The following WASHC2C variants were observed in gnomAD, a reference collection of about 807,000 sequenced individuals.
WASHC2C encodes the protein WASH complex subunit 2C, also known as Vaccinia Penetration Factor.
A neutral mutation model predicts 142.2 loss-of-function variants in WASHC2C; 73 were observed. That is an observed-to-expected ratio of 0.51 (90% CI 0.43 to 0.62). The LOEUF is 0.62. Among genes scored for constraint, WASHC2C ranks in the 20% least tolerant of loss-of-function variants. WASHC2C has a pLI of 0.00. For synonymous variants in WASHC2C, 337 were observed against 565.5 expected, an observed-to-expected ratio of 0.60 and a Z score of 5.73; for missense variants, 969 against 1,531.7, an observed-to-expected ratio of 0.63 and a Z score of 6.13.
chr10:45,732,310 C>T (rs574539041), intron 3 of WASHC2C, among the ~76,000 whole-genome samples: 172 of 152,222 alleles, frequency 1.1e-3, no homozygotes, highest in African/African-American at 3.8e-3. Context: ...CTTTCTAGGG[C>T]GAGAACAGTC....
At chr10:45,759,286 TCCCCAC>T in intron 16 of WASHC2C, 23 bp from the exon 17 acceptor site, 1 of 555,590 alleles carries the variant, frequency 1.8e-6, no homozygotes, top group South Asian at 2.0e-5. Context: ...CTTTTTTTCT[TCCCCAC>T]CCCCCCCCCA....
chr10:45,742,089 A>G (rs1246601601), intron 5 of WASHC2C, among the ~76,000 whole-genome samples: 9 of 151,478 alleles, frequency 5.9e-5, no homozygotes, highest in Non-Finnish European at 7.4e-5. Context: ...AGCTACTGCA[A>G]CCGACCAACC....
intron 11 of WASHC2C, among the ~76,000 whole-genome samples, chr10:45,751,976 CA>C (rs2053649408): frequency 6.6e-6 from 1 of 152,116 alleles, no homozygotes; most frequent in South Asian, 2.1e-4. Context: ...GACTCCATCC[CA>C]AAAACAAACA....
Position 45,727,274 on chromosome 10 carries a change from G to C in WASHC2C, c.-44G>C. Reference sequence around the variant, plus strand: ...GGCTTCCGGGGCTCTGCGGTCCTCGGCCTGTGCTGGCAGCCTCGGAGCCCA... The same window carrying C: ...GGCTTCCGGGGCTCTGCGGTCCTCGCCCTGTGCTGGCAGCCTCGGAGCCCA... On this transcript the variant is annotated 5_prime_UTR_variant, in exon 1 of 31. Coordinates refer to ENST00000623400, the MANE Select transcript of WASHC2C (RefSeq NM_001330074.2). 6.5e-7 allele frequency: 1 copy of C among 1,547,486 alleles called. No homozygotes were observed. Among genetic ancestry groups the C allele is most frequent in the Non-Finnish European group, 8.7e-7 (1 of 1,147,534 alleles).
At chr10:45,727,213 A>G, upstream of WASHC2C, 2 of 1,497,806 alleles carry the variant, frequency 1.3e-6, no homozygotes, top group Non-Finnish European at 1.8e-6. Context: ...AGGTCACGTG[A>G]GGCCGGTCAC....
rs1554886787 is a variant in WASHC2C, at chr10:45,777,432, T to A, written c.2295+7T>A. 1.9e-6 allele frequency: 3 copies of A among 1,610,272 alleles called. No homozygotes were observed. In the Admixed American group the frequency reaches 5.0e-5, roughly 27 times the overall value. Reference sequence around the variant, plus strand: ...TGTGGCTGAGTCAGAAAAGGTGGACTTTTTTTCTTGTATACTTGAATGCAT... The same window carrying A: ...TGTGGCTGAGTCAGAAAAGGTGGACATTTTTTCTTGTATACTTGAATGCAT... On this transcript the variant is annotated splice_region_variant and intron_variant, in intron 22 of 30. Coordinates refer to ENST00000623400, the MANE Select transcript of WASHC2C (RefSeq NM_001330074.2).
intron 25 of WASHC2C, 79 bp downstream of exon 25, chr10:45,784,980 A>G: frequency 1.2e-6 from 2 of 1,611,200 alleles, no homozygotes; most frequent in South Asian, 1.1e-5. Flanking sequence ...TTAGATGATT[A>G]AGGAAAATCC....
At chr10:45,739,420 G>A (rs1217899625) in intron 4 of WASHC2C, among the ~76,000 whole-genome samples, 1 of 149,614 alleles carries the variant, frequency 6.7e-6, no homozygotes, top group Non-Finnish European at 1.5e-5. Flanking sequence ...GTGTCTGTGG[G>A]GACTGCCATT....
Position 45,757,022 on chromosome 10 carries a change from A to G in WASHC2C, c.1431A>G (p.Gln477=), listed in dbSNP as rs2054389916. Residue 477 remains glutamine, a synonymous_variant, in exon 16 of 31, where the codon CAA becomes CAG. Transcript: ENST00000623400. ...TGGTATTTTTTACAGGCAAAGTCCA[A>G]TCCACTGCCGATATCTTTGGTGACG... ...HSKPSKTRKV[Q]STADIFGDEE... The G allele has an allele frequency of 1.9e-6, 3 of 1,600,528 alleles. No individual in the cohort carries two copies. Among genetic ancestry groups the G allele is most frequent in the African/African-American group, 2.7e-5 (2 of 73,662 alleles).
At chr10:45,750,945 T>G (rs1554874185) in intron 10 of WASHC2C, 107 bp downstream of exon 10, 3 of 838,998 alleles carry the variant, frequency 3.6e-6, no homozygotes, top group Non-Finnish European at 5.6e-6. Context: ...ACTACATATA[T>G]TTATTAGTAA....
rs2610450 is a variant in WASHC2C, at chr10:45,755,115, C to T, written c.1420C>T (p.Arg474Cys). Residue 474 changes from arginine to cysteine, a missense_variant and splice_region_variant, in exon 15 of 31, where the codon CGC (arginine) becomes TGC (cysteine). By Grantham distance (180) the Arg-to-Cys change is radical. Transcript: ENST00000623400. ...SAPHSKPSKT[R>C]KVQSTADIFG... is the part of the protein sequence containing the mutation. ...ACCCCACAGCAAACCTTCTAAAACA[C>T]GTATGTGTTCCTGCCTCCGTTTCTA... is the stretch of plus-strand genomic sequence containing the variant. 6 of 1,591,960 alleles carry T rather than the reference C, an allele frequency of 3.8e-6. No individual in the cohort carries two copies. The highest frequency in any genetic ancestry group is 1.1e-5 in the South Asian group (1 of 90,210).
At chr10:45,748,349 G>GCA (rs2053114832) in intron 8 of WASHC2C, among the ~76,000 whole-genome samples, 1 of 143,352 alleles carries the variant, frequency 7.0e-6, no homozygotes, top group Non-Finnish European at 1.5e-5. Context: ...GAGTGCAGTG[G>GCA]CACGATATTG....
intron 23 of WASHC2C, among the ~76,000 whole-genome samples, chr10:45,780,481 A>G (rs1441284645): frequency 6.6e-6 from 1 of 152,172 alleles, no homozygotes; most frequent in South Asian, 2.1e-4. Context: ...ATTCTAATCA[A>G]CCTTGTACTG....
At chr10:45,728,140 C>T (rs2050116581) in intron 2 of WASHC2C, among the ~76,000 whole-genome samples, 1 of 152,158 alleles carries the variant, frequency 6.6e-6, no homozygotes, top group South Asian at 2.1e-4. Context: ...CCTCTCACCT[C>T]AGCGTCCTGA....
chr10:45,782,452 A>T (rs1195377171), intron 23 of WASHC2C, among the ~76,000 whole-genome samples: 4 of 149,852 alleles, frequency 2.7e-5, no homozygotes, highest in Non-Finnish European at 5.9e-5. Context: ...AAAAAAAAAA[A>T]GGGAAGTAAC....
intron 28 of WASHC2C, among the ~76,000 whole-genome samples, chr10:45,787,832 CTG>C (rs1554890926): frequency 1.3e-5 from 2 of 152,236 alleles, no homozygotes; most frequent in African/African-American, 4.8e-5. Flanking sequence ...ACTTCTGTCA[CTG>C]TGCCCTGCAC....
At chr10:45,728,839 T>C (rs1303261935) in intron 2 of WASHC2C, 23 bp from the exon 3 acceptor site, 1 of 1,610,668 alleles carries the variant, frequency 6.2e-7, no homozygotes, top group South Asian at 1.1e-5. Flanking sequence ...TTGATACTAC[T>C]GTATGTTTAT....
chr10:45,773,814 G>A (rs1427626666), intron 21 of WASHC2C, among the ~76,000 whole-genome samples: 14 of 139,446 alleles, frequency 1.0e-4, no homozygotes, highest in Admixed American at 1.6e-4. Flanking sequence ...TCCTAGTACA[G>A]TTAGACTGTG....
chr10:45,787,261 C>G lies in WASHC2C; in HGVS notation c.3087+14C>G. On this transcript the variant is annotated intron_variant, in intron 28 of 30. Transcript: ENST00000623400. ...AGTGCAAACAAGGTGATGAAACCATCTTTGCTTCCTTGCTCTCTTCTTTTA... is the reference window on the plus strand; with the variant it reads ...AGTGCAAACAAGGTGATGAAACCATGTTTGCTTCCTTGCTCTCTTCTTTTA... The G allele has an allele frequency of 1.6e-6, 2 of 1,250,174 alleles. No homozygotes were observed. The highest frequency in any genetic ancestry group is 2.3e-6 in the Non-Finnish European group (2 of 878,770). 77.4% of individuals were successfully genotyped at this position (1,250,174 alleles called of 1,614,324 possible).
Sources: allele counts gnomAD v4.1 joint callset (sites outside exome capture counted in the v4.1 genomes callset), GRCh38; gene constraint gnomAD v4.1.1; transcripts MANE v1.5; gene names NCBI Gene and HGNC (gene_info 2026-07-23, HGNC 2026-07-21).